The following C12orf42 variants were observed in gnomAD, a reference collection of about 807,000 sequenced individuals.
The protein encoded by C12orf42 is uncharacterized protein C12orf42.
Under a neutral mutation model 21.6 loss-of-function variants are expected in C12orf42, and 25 were observed. That is an observed-to-expected ratio of 1.16 (90% CI 0.84 to 1.62). C12orf42 has a LOEUF of 1.62. Among genes scored for constraint, C12orf42 ranks in the 40% most tolerant of loss-of-function variants. C12orf42 has a pLI of 0.00. For synonymous variants in C12orf42, 174 were observed against 175.0 expected (o/e 0.99, Z 0.05); for missense variants, 483 against 459.3 (o/e 1.05, Z -0.47).
the C12orf42 span, among the ~76,000 whole-genome samples, chr12:103,082,400 C>G: frequency 3.1e-4 from 47 of 152,340 alleles, no homozygotes; most frequent in African/African-American, 1.1e-3. Context: ...AAAGTCTTGT[C>G]TCCAGTGTTT....
chr12:103,063,976 G>T, the C12orf42 span, among the ~76,000 whole-genome samples: 1 of 152,142 alleles, frequency 6.6e-6, no homozygotes, highest in Non-Finnish European at 1.5e-5. Flanking sequence ...TAGTTTATTT[G>T]CTTGGTTAGC....
At chr12:103,081,306 A>G in the C12orf42 span, 1 of 152,216 alleles carries the variant, frequency 6.6e-6, no homozygotes, top group Non-Finnish European at 1.5e-5. Flanking sequence ...TATTCTATAG[A>G]TTTAATCTTC....
intron 4 of C12orf42, among the ~76,000 whole-genome samples, chr12:103,286,003 T>TG (rs760898451): frequency 1.9e-4 from 29 of 151,984 alleles, no homozygotes; most frequent in East Asian, 1.2e-3. Context: ...CCCAGCACTT[T>TG]GGGGGGGTGC....
the C12orf42 span, among the ~76,000 whole-genome samples, chr12:103,146,449 C>T: frequency 7.2e-6 from 1 of 138,096 alleles, no homozygotes; most frequent in Non-Finnish European, 1.5e-5. Flanking sequence ...CACTGCACTC[C>T]AGCCTGGCCA....
the C12orf42 span, among the ~76,000 whole-genome samples, chr12:103,519,947 G>A: frequency 6.6e-6 from 1 of 152,166 alleles, no homozygotes; most frequent in East Asian, 1.9e-4. Flanking sequence ...AGAAGACAAA[G>A]GACATTGGAC....
chr12:103,409,542 GGT>G (rs2048671712), intron 2 of C12orf42, among the ~76,000 whole-genome samples: 1 of 152,016 alleles, frequency 6.6e-6, no homozygotes, highest in South Asian at 2.1e-4. Context: ...TGGCTTTTAA[GGT>G]TCAATAAGAA....
intron 3 of C12orf42, among the ~76,000 whole-genome samples, chr12:103,373,048 G>A (rs556434724): frequency 1.1e-4 from 16 of 152,280 alleles, no homozygotes; most frequent in East Asian, 3.9e-4. Context: ...TTGGGCAGGG[G>A]AGATGGGTAC....
At chr12:103,326,832 T>G (rs2040759973) in intron 4 of C12orf42, among the ~76,000 whole-genome samples, 1 of 152,232 alleles carries the variant, frequency 6.6e-6, no homozygotes, top group Non-Finnish European at 1.5e-5. Context: ...GACTTAGCAC[T>G]GCCTAAAATT....
the C12orf42 span, among the ~76,000 whole-genome samples, chr12:103,056,480 T>C: frequency 6.6e-6 from 1 of 152,188 alleles, no homozygotes; most frequent in Admixed American, 6.6e-5. Flanking sequence ...TGTAGGTTTA[T>C]GTCTTGTGAC....
chr12:103,214,063 G>A, the C12orf42 span, among the ~76,000 whole-genome samples: 2 of 152,148 alleles, frequency 1.3e-5, no homozygotes, highest in Non-Finnish European at 2.9e-5. Context: ...ACAGAGTTTG[G>A]CACTTTTCTA....
At position 103,240,698 on chromosome 12, in the gene C12orf42, C is replaced by T. The variant is rs557152376; in HGVS notation, c.*1367-2796G>A. Among the ~76,000 whole-genome samples the T allele has an allele frequency of 2.8e-4, 43 of 152,250 alleles. No homozygotes were observed. The South Asian group carries it at 8.1e-3, about 29-fold the overall frequency. On this transcript the variant is annotated intron_variant and NMD_transcript_variant, in intron 10 of 10. Transcript: ENST00000547347. ...CACTCCAATATTATATTTTTTGCAA[C>T]ATTTCCCAAGTGTCTCTACCCTGCA...
At chr12:103,140,677 A>G in the C12orf42 span, among the ~76,000 whole-genome samples, 1 of 152,204 alleles carries the variant, frequency 6.6e-6, no homozygotes, top group African/African-American at 2.4e-5. Flanking sequence ...GAGAGATGAT[A>G]TGCTTTGATT....
chr12:103,320,529 T>C (rs892003541), intron 4 of C12orf42, among the ~76,000 whole-genome samples: 2 of 152,218 alleles, frequency 1.3e-5, no homozygotes, highest in African/African-American at 2.4e-5. Flanking sequence ...GGTTAAATGT[T>C]ATGCAAAGCA....
At chr12:103,363,671 C>A (rs2044322523) in intron 4 of C12orf42, among the ~76,000 whole-genome samples, 1 of 151,948 alleles carries the variant, frequency 6.6e-6, no homozygotes, top group African/African-American at 2.4e-5. Context: ...CAAATGGACA[C>A]CAAAAGCAAA....
intron 4 of C12orf42, among the ~76,000 whole-genome samples, chr12:103,281,915 A>AAAAAAGAAAG (rs1555243153): frequency 1.1e-4 from 15 of 141,944 alleles, no homozygotes; most frequent in Admixed American, 7.3e-4. Context: ...AGAAGAAAGA[A>AAAAAAGAAAG]AAAGAAAGAA....
intron 2 of C12orf42, among the ~76,000 whole-genome samples, chr12:103,406,289 G>C (rs563882700): frequency 3.3e-5 from 5 of 152,302 alleles, no homozygotes; most frequent in Non-Finnish European, 5.9e-5. Flanking sequence ...GGTGATGTTG[G>C]TTCTGGAACA....
the C12orf42 span, among the ~76,000 whole-genome samples, chr12:103,517,062 G>A: frequency 6.6e-6 from 1 of 152,286 alleles, no homozygotes; most frequent in South Asian, 2.1e-4. Context: ...CTGCACTGTG[G>A]TAACATGTCA....
rs766261738 is a variant in C12orf42, at chr12:103,302,539, TG to T, written c.651del (p.Thr218LeufsTer110). On this transcript the variant is annotated frameshift_variant, in exon 6 of 6. Transcript: ENST00000548883. LOFTEE classifies it low-confidence loss of function (END_TRUNC). ...CTCCTCCTGCAGAGGCCGATGGCAG[TG>T]GAAGGTCTGGCGGCAGAACCTGGAA... The part of the protein sequence containing the change: ...KKNSGSAARP[S>X]TAIGLCRRSQ... 2.5e-6 allele frequency: 4 copies of T among 1,608,204 alleles called. No individual in the cohort carries two copies. Among genetic ancestry groups the T allele is most frequent in the Non-Finnish European group, 3.4e-6 (4 of 1,177,510 alleles).
intron 1 of C12orf42, among the ~76,000 whole-genome samples, chr12:103,484,336 T>A (rs1286304593): frequency 6.6e-6 from 1 of 152,238 alleles, no homozygotes; most frequent in South Asian, 2.1e-4. Flanking sequence ...GTTTCCTGAC[T>A]TTTTAATGAT....
Sources: allele counts gnomAD v4.1 joint callset (sites outside exome capture counted in the v4.1 genomes callset), GRCh38; gene constraint gnomAD v4.1.1; transcripts MANE v1.5; gene names NCBI Gene and HGNC (gene_info 2026-07-23, HGNC 2026-07-21).